ABAT: variants seen among roughly 807,000 people sequenced by gnomAD.
ABAT encodes the protein 4-aminobutyrate aminotransferase, mitochondrial.
In ABAT, 45 loss-of-function variants were observed where a neutral mutation model predicts 64.6. That is an observed-to-expected ratio of 0.70 (90% CI 0.55 to 0.89). The LOEUF (loss-of-function observed/expected upper bound fraction) is 0.89, where lower values mean the gene tolerates loss of function less well. ABAT is among the 40% of genes least tolerant of loss of function. The pLI, the probability that ABAT is intolerant of heterozygous loss-of-function variation, is 0.00. For synonymous variants in ABAT, 297 were observed against 250.5 expected, an observed-to-expected ratio of 1.19 and a Z score of -1.75; for missense variants, 633 against 658.4, an observed-to-expected ratio of 0.96 and a Z score of 0.42.
chr16:8,744,827 C>G (rs114766863), intron 2 of ABAT, among the ~76,000 whole-genome samples: 167 of 152,110 alleles, frequency 1.1e-3, no homozygotes, highest in Middle Eastern at 6.8e-3. Flanking sequence ...CAGATCGTGT[C>G]TCTGCATGCT....
intron 9 of ABAT, 69 bp downstream of exon 9, chr16:8,766,339 G>T: frequency 1.3e-6 from 2 of 1,504,108 alleles, no homozygotes. Context: ...GCTGTTGCTG[G>T]CTGGCTGGCA....
intron 1 of ABAT, among the ~76,000 whole-genome samples, chr16:8,711,774 G>GGGAA (rs2058080470): frequency 7.1e-6 from 1 of 141,600 alleles, no homozygotes; most frequent in East Asian, 2.1e-4. Flanking sequence ...ATGGATGGAT[G>GGGAA]GATGGATGGG....
chr16:8,723,475 A>T (rs1347405366), intron 1 of ABAT, among the ~76,000 whole-genome samples: 10 of 152,166 alleles, frequency 6.6e-5, no homozygotes, highest in Admixed American at 6.6e-4. Flanking sequence ...GCCTGCAGGG[A>T]AAGTCTGCCT....
intron 1 of ABAT, among the ~76,000 whole-genome samples, chr16:8,678,806 T>G (rs1157945067): frequency 1.3e-5 from 2 of 152,202 alleles, no homozygotes; most frequent in East Asian, 1.9e-4. Context: ...ATTCCTGACC[T>G]TGAAAGGTTC....
intron 14 of ABAT, among the ~76,000 whole-genome samples, chr16:8,777,407 G>A (rs74629475): frequency 1.3e-5 from 2 of 152,104 alleles, no homozygotes; most frequent in African/African-American, 4.8e-5. Flanking sequence ...ATGGCTCCTG[G>A]AGCTCCAGCC....
chr16:8,779,842 G>T (rs1368978010), intron 15 of ABAT, among the ~76,000 whole-genome samples: 2 of 152,226 alleles, frequency 1.3e-5, no homozygotes, highest in African/African-American at 4.8e-5. Flanking sequence ...TTACAGTGAT[G>T]ATGAAGACCA....
At chr16:8,737,548 T>A (rs1436524976) in intron 2 of ABAT, 1 of 151,794 alleles carries the variant, frequency 6.6e-6, no homozygotes, top group Non-Finnish European at 1.5e-5. Context: ...TACAAAGATA[T>A]TACAGGGAGA....
chr16:8,774,808 G>A (rs2060218020), intron 12 of ABAT, 82 bp from the exon 13 acceptor site: 1 of 1,551,028 alleles, frequency 6.4e-7, no homozygotes, highest in East Asian at 2.2e-5. Flanking sequence ...CCCAGGGTTT[G>A]GCAGTTAGCT....
intron 14 of ABAT, 119 bp from the exon 15 acceptor site, chr16:8,779,360 C>A: frequency 2.4e-6 from 2 of 821,650 alleles, no homozygotes; most frequent in South Asian, 1.4e-5. Context: ...GGAGGTCCTG[C>A]CAGTCCATGC....
chr16:8,770,863 GA>G (rs1301920130), intron 11 of ABAT, among the ~76,000 whole-genome samples: 2 of 152,078 alleles, frequency 1.3e-5, no homozygotes, highest in Admixed American at 6.6e-5. Flanking sequence ...TAAACAATGT[GA>G]TTTTTATATT....
chr16:8,753,258 T>TA (rs753062193), intron 5 of ABAT, among the ~76,000 whole-genome samples: 2 of 151,974 alleles, frequency 1.3e-5, no homozygotes, highest in Non-Finnish European at 2.9e-5. Flanking sequence ...CATGCCTGGC[T>TA]ACTTTTTTTT....
chr16:8,751,956 T>A (rs566609903), intron 5 of ABAT, among the ~76,000 whole-genome samples: 2 of 152,338 alleles, frequency 1.3e-5, no homozygotes, highest in South Asian at 4.1e-4. Context: ...CCTGGCTACA[T>A]TGAGTAGTCC....
intron 1 of ABAT, among the ~76,000 whole-genome samples, chr16:8,732,110 C>G (rs939488782): frequency 3.3e-5 from 5 of 152,060 alleles, no homozygotes; most frequent in African/African-American, 1.2e-4. Context: ...ATCTCGGCCT[C>G]CCAAAGTGCT....
At chr16:8,699,171 T>C (rs931409782) in intron 1 of ABAT, among the ~76,000 whole-genome samples, 11 of 151,976 alleles carry the variant, frequency 7.2e-5, no homozygotes, top group African/African-American at 2.7e-4. Context: ...AGATCAAATG[T>C]GGGAAGAGAT....
rs1064796422 is a variant in ABAT, at chr16:8,774,926, G to A, written c.991G>A (p.Gly331Arg). The A allele has an allele frequency of 4.3e-6, 7 of 1,614,014 alleles. No homozygotes were observed. Among genetic ancestry groups the A allele is most frequent in the Non-Finnish European group, 5.1e-6 (6 of 1,179,992 alleles). ...CTTCTTGGTGGACGAGGTCCAGACCGGAGGAGGCTGCACGGGCAAGTTCTG... is the reference window on the plus strand; with the variant it reads ...CTTCTTGGTGGACGAGGTCCAGACCAGAGGAGGCTGCACGGGCAAGTTCTG... ...CAFLVDEVQT[G>R]GGCTGKFWAH... is the part of the protein sequence containing the mutation. Residue 331 changes from glycine to arginine, a missense_variant, in exon 13 of 16, where the codon GGA (glycine) becomes AGA (arginine). Coordinates refer to ENST00000268251, the MANE Select transcript of ABAT (RefSeq NM_020686.6).
chr16:8,780,835 C>A, intron 15 of ABAT: 1 of 299,950 alleles, frequency 3.3e-6, no homozygotes, highest in Non-Finnish European at 6.4e-6. Context: ...TGAAGTCACC[C>A]TTTAAAATAA....
chr16:8,774,784 A>G, intron 12 of ABAT, 106 bp from the exon 13 acceptor site: 1 of 1,393,766 alleles, frequency 7.2e-7, no homozygotes, highest in Non-Finnish European at 1.0e-6. Context: ...GAAAACAAGC[A>G]CGATGTGTGT....
chr16:8,763,837 A>G (rs1244666476), intron 6 of ABAT, among the ~76,000 whole-genome samples: 2 of 152,230 alleles, frequency 1.3e-5, no homozygotes, highest in Non-Finnish European at 2.9e-5. Context: ...TATAACGCCA[A>G]TGCAATATGG....
In ABAT at chr16:8,764,261, T is replaced by A; in HGVS notation, c.447+112T>A. 1.1e-6 allele frequency: 1 copy of A among 939,478 alleles called. No individual in the cohort carries two copies. The highest frequency in any genetic ancestry group is 1.7e-6 in the Non-Finnish European group (1 of 588,702). The allele number at this position is 939,478 out of a possible 1,614,324, so 58.2% of individuals were successfully genotyped here. A position where few individuals can be genotyped will look rare whatever the true frequency, so the allele number is the denominator to read the frequency against. ...AGGTGTTGCTACAGAAATCTTTCTCTCTGAGCTTATTCTTCCATGCAGAGT... is the reference window on the plus strand; with the variant it reads ...AGGTGTTGCTACAGAAATCTTTCTCACTGAGCTTATTCTTCCATGCAGAGT... On this transcript the variant is annotated intron_variant, in intron 7 of 15. Transcript: ENST00000268251. The surrounding 1 kb of genome is among the most constrained non-coding windows in gnomAD (Gnocchi z 4.2).
Sources: gnomAD v4.1 joint callset for allele counts (sites outside exome capture counted in the v4.1 genomes callset) on GRCh38, gnomAD v4.1.1 for gene constraint, Gnocchi (gnomAD v3.1) non-coding constraint, MANE v1.5 for transcripts, NCBI Gene and HGNC (gene_info 2026-07-23, HGNC 2026-07-21) for gene names.